FCHSD2: variants seen among roughly 807,000 people sequenced by gnomAD.
FCHSD2 encodes the protein FCH and double SH3 domains 2.
In FCHSD2, 38 loss-of-function variants were observed where a neutral mutation model predicts 108.1. That is an observed-to-expected ratio of 0.35 (90% CI 0.27 to 0.46). FCHSD2 has a LOEUF of 0.46. Among genes scored for constraint, FCHSD2 ranks in the 20% least tolerant of loss-of-function variants. FCHSD2 has a pLI of 1.00. For synonymous variants in FCHSD2, 279 were observed against 314.7 expected (o/e 0.89, Z 1.20); for missense variants, 751 against 897.8 (o/e 0.84, Z 2.09).
chr11:72,982,344 T>C (rs999969640), intron 8 of FCHSD2, among the ~76,000 whole-genome samples: 1 of 152,188 alleles, frequency 6.6e-6, no homozygotes, highest in Non-Finnish European at 1.5e-5. Flanking sequence ...GAGCACCTGC[T>C]CTGGCTGCAT....
chr11:73,119,482 A>G (rs1416322634), intron 2 of FCHSD2, among the ~76,000 whole-genome samples: 1 of 152,182 alleles, frequency 6.6e-6, no homozygotes, highest in Non-Finnish European at 1.5e-5. Flanking sequence ...GTTTTTTAAT[A>G]CATATGGGGT....
At position 72,901,872 on chromosome 11, in the gene FCHSD2, T is replaced by TTTTG. The variant is rs570869962; in HGVS notation, c.924+667_924+670dup. On this transcript the variant is annotated intron_variant, in intron 10 of 19. Transcript: ENST00000409418. ...TTTATTAATTCTATTCTGGTTTTTT[T>TTTTG]TTTGTTTGTTTGTTTGTTTTGAGAC... Among the ~76,000 whole-genome samples, 117 of 152,188 alleles carry TTTTG rather than the reference T, an allele frequency of 7.7e-4. 1 individual carries two copies. Among genetic ancestry groups the TTTTG allele is most frequent in the African/African-American group, 2.8e-3 (115 of 41,496 alleles).
intron 5 of FCHSD2, among the ~76,000 whole-genome samples, chr11:73,000,692 T>C (rs1390012975): frequency 6.6e-6 from 1 of 152,214 alleles, no homozygotes; most frequent in Non-Finnish European, 1.5e-5. Flanking sequence ...CATCAAACTA[T>C]ACCGATATTG....
chr11:73,116,176 T>C (rs1205037002), intron 2 of FCHSD2, among the ~76,000 whole-genome samples: 1 of 152,268 alleles, frequency 6.6e-6, no homozygotes, highest in African/African-American at 2.4e-5. Flanking sequence ...CTTATGGTTC[T>C]ACTCCTTCAA....
At chr11:73,041,218 T>C (rs1858629327) in intron 3 of FCHSD2, among the ~76,000 whole-genome samples, 1 of 152,226 alleles carries the variant, frequency 6.6e-6, no homozygotes. Flanking sequence ...TTCGATATAC[T>C]GATTTCCTTT....
chr11:72,838,540 T>A lies in FCHSD2; in HGVS notation c.*251A>T. 1.9e-6 allele frequency: 1 copy of A among 536,388 alleles called. No homozygotes were observed. The highest frequency in any genetic ancestry group is 3.4e-6 in the Non-Finnish European group (1 of 296,714). The allele number at this position is 536,388 out of a possible 1,614,324, so 33.2% of individuals were successfully genotyped here. ...CTGTTAGGCATGAGGGCTGCCCCCCTCTTTGCTCCTAGGGTCCGCTAGGAT... is the reference window on the plus strand; with the variant it reads ...CTGTTAGGCATGAGGGCTGCCCCCCACTTTGCTCCTAGGGTCCGCTAGGAT... On this transcript the variant is annotated 3_prime_UTR_variant, in exon 20 of 20. Transcript: ENST00000409418.
chr11:73,011,244 C>A (rs1016601522), intron 4 of FCHSD2, among the ~76,000 whole-genome samples: 2 of 152,112 alleles, frequency 1.3e-5, no homozygotes, highest in Non-Finnish European at 2.9e-5. Context: ...TAGGCAGGGG[C>A]AGGCTGATCC....
At chr11:73,135,052 C>T (rs899420128) in intron 2 of FCHSD2, among the ~76,000 whole-genome samples, 1 of 152,194 alleles carries the variant, frequency 6.6e-6, no homozygotes, top group African/African-American at 2.4e-5. Context: ...CAGGGTTTCA[C>T]CATGTTGGCC....
At chr11:73,130,571 G>C (rs755787301) in intron 2 of FCHSD2, among the ~76,000 whole-genome samples, 1 of 152,182 alleles carries the variant, frequency 6.6e-6, no homozygotes, top group Non-Finnish European at 1.5e-5. Flanking sequence ...AATTTTAGGA[G>C]CAGGTAAAGA....
At chr11:73,095,932 C>T (rs1288365832) in intron 2 of FCHSD2, among the ~76,000 whole-genome samples, 1 of 150,618 alleles carries the variant, frequency 6.6e-6, no homozygotes, top group African/African-American at 2.4e-5. Context: ...AAGTTATGCA[C>T]AAAACCTGCT....
At chr11:72,950,531 ATTC>A (rs1339659507) in intron 8 of FCHSD2, among the ~76,000 whole-genome samples, 1 of 151,946 alleles carries the variant, frequency 6.6e-6, no homozygotes, top group African/African-American at 2.4e-5. Flanking sequence ...GTCCAACTTC[ATTC>A]TTCTTGCATG....
chr11:72,992,110 C>T (rs534201542), intron 5 of FCHSD2, among the ~76,000 whole-genome samples: 2 of 152,144 alleles, frequency 1.3e-5, no homozygotes, highest in Non-Finnish European at 2.9e-5. Flanking sequence ...CATTCTTATA[C>T]ACCAATAACA....
At chr11:72,867,011 C>G (rs1403456427) in intron 13 of FCHSD2, among the ~76,000 whole-genome samples, 1 of 152,226 alleles carries the variant, frequency 6.6e-6, no homozygotes, top group Non-Finnish European at 1.5e-5. Context: ...GTGTCAGGCA[C>G]TTTGCTGTGC....
chr11:73,113,332 C>G (rs1860533026), intron 2 of FCHSD2, among the ~76,000 whole-genome samples: 1 of 126,038 alleles, frequency 7.9e-6, no homozygotes, highest in Non-Finnish European at 1.6e-5. Flanking sequence ...TTTGGTTGAT[C>G]ATCATGCTTC....
intron 2 of FCHSD2, among the ~76,000 whole-genome samples, chr11:73,100,995 A>T (rs897682618): frequency 6.6e-6 from 1 of 152,058 alleles, no homozygotes; most frequent in Non-Finnish European, 1.5e-5. Context: ...TCTGAGCTTA[A>T]TATTTTGCAT....
chr11:73,022,321 G>C (rs575372641), intron 3 of FCHSD2, among the ~76,000 whole-genome samples: 3 of 152,192 alleles, frequency 2.0e-5, no homozygotes, highest in Admixed American at 6.5e-5. Context: ...AAGAAATAAA[G>C]CTATCTTTAT....
intron 8 of FCHSD2, among the ~76,000 whole-genome samples, chr11:72,942,521 T>A (rs377374757): frequency 6.6e-6 from 1 of 152,206 alleles, no homozygotes; most frequent in Admixed American, 6.5e-5. Context: ...ATGTAATACA[T>A]GCCTAGGAAA....
chr11:72,847,196 C>G (rs891980643), intron 14 of FCHSD2, among the ~76,000 whole-genome samples: 1 of 152,144 alleles, frequency 6.6e-6, no homozygotes, highest in Non-Finnish European at 1.5e-5. Context: ...CCAGGTTTTT[C>G]TTTGTTGCCC....
intron 3 of FCHSD2, among the ~76,000 whole-genome samples, chr11:73,045,274 G>A (rs1189425123): frequency 2.6e-5 from 4 of 151,404 alleles, no homozygotes; most frequent in African/African-American, 9.7e-5. Flanking sequence ...AACAACAGGT[G>A]CTGGAGAGGA....
Sources: allele counts gnomAD v4.1 joint callset (sites outside exome capture counted in the v4.1 genomes callset), GRCh38; gene constraint gnomAD v4.1.1; transcripts MANE v1.5; gene names NCBI Gene and HGNC (gene_info 2026-07-23, HGNC 2026-07-21).